EHMT2: variants seen among roughly 807,000 people sequenced by gnomAD.
The protein encoded by EHMT2 is histone-lysine N-methyltransferase EHMT2.
Under a neutral mutation model 143.3 loss-of-function variants are expected in EHMT2, and 59 were observed. That is an observed-to-expected ratio of 0.41 (90% CI 0.33 to 0.51). EHMT2 has a LOEUF of 0.51. Ranked by LOEUF, EHMT2 falls within the 20% of genes least tolerant of loss-of-function variation. The pLI, the probability that EHMT2 is intolerant of heterozygous loss-of-function variation, is 0.18. For synonymous variants in EHMT2, 604 were observed against 651.5 expected, an observed-to-expected ratio of 0.93 and a Z score of 1.11; for missense variants, 1,174 against 1,645.9, an observed-to-expected ratio of 0.71 and a Z score of 4.96.
chr6:31,882,938 T>C, exon 24 of EHMT2: 2 of 1,612,418 alleles, frequency 1.2e-6, no homozygotes, highest in Non-Finnish European at 8.5e-7. Flanking sequence ...TTCTCCAGCA[T>C]GAGCACGCCT....
rs1766745561 is a variant in EHMT2 at position 31,897,621 on chromosome 6, C to A, written c.42+15G>T. ...GCGCGGGCATGCACCCGCCTCTCCCCCTCCCCTTCCGCACCTCGGCGGCCG... is the reference window on the plus strand; with the variant it reads ...GCGCGGGCATGCACCCGCCTCTCCCACTCCCCTTCCGCACCTCGGCGGCCG... On this transcript the variant is annotated intron_variant, in intron 1 of 27. Coordinates refer to ENST00000375537, the Ensembl canonical transcript of EHMT2. 3 of 1,149,764 alleles carry A rather than the reference C, an allele frequency of 2.6e-6. No individual in the cohort carries two copies. The highest frequency in any genetic ancestry group is 1.6e-5 in the African/African-American group (1 of 61,266). 71.2% of individuals were successfully genotyped at this position (1,149,764 alleles called of 1,614,324 possible).
chr6:31,887,691 G>A lies in EHMT2; in HGVS notation c.1929-32C>T, dbSNP rs772673957. 8 of 1,610,944 alleles carry A rather than the reference G, an allele frequency of 5.0e-6. No individual in the cohort carries two copies. The Admixed American group carries it at 8.3e-5, about 17-fold the overall frequency. ...AGGGAGCACGGGAGCGGGGAGAGAAGGGGAGCTCCTCAGATTCCAGCATCA... is the reference window on the plus strand; with the variant it reads ...AGGGAGCACGGGAGCGGGGAGAGAAAGGGAGCTCCTCAGATTCCAGCATCA... On this transcript the variant is annotated intron_variant, in intron 14 of 27. Transcript: ENST00000375537.
At chr6:31,891,822 CT>C (rs1159548590) in intron 7 of EHMT2, among the ~76,000 whole-genome samples, 1 of 151,590 alleles carries the variant, frequency 6.6e-6, no homozygotes, top group Non-Finnish European at 1.5e-5. Context: ...TTTTTGTTTT[CT>C]TTTTTTAAAC....
Position 31,883,552 on chromosome 6 carries a change from A to C in EHMT2, c.2917-113T>G, listed in dbSNP as rs1764400006. On this transcript the variant is annotated intron_variant, in intron 22 of 27. Coordinates refer to ENST00000375537, the Ensembl canonical transcript of EHMT2. The surrounding 1 kb of genome is among the most constrained non-coding windows in gnomAD (Gnocchi z 5.6). ...CCTTTCTTTGGGGTCCATGTGTTAC[A>C]ACAGTGGGTGGTGATGGTCCTAGGG... 1 of 1,181,556 alleles carries C rather than the reference A, an allele frequency of 8.5e-7. No homozygotes were observed. The allele number at this position is 1,181,556 out of a possible 1,614,324, so 73.2% of individuals were successfully genotyped here.
rs1178901249 is a variant in EHMT2 at position 31,889,122 on chromosome 6, C to T, written c.1115-52G>A. On this transcript the variant is annotated intron_variant, in intron 9 of 27. Transcript: ENST00000375537. This position sits in a 1 kb window ranked among gnomAD's most constrained non-coding sequence, Gnocchi z 5.1. ...GTGCGAGCTCACAGGTGCCTGGACG[C>T]GTGGGTACATGCAGGTGGACATGCG... is the stretch of plus-strand genomic sequence containing the variant. 30 of 1,549,456 alleles carry T rather than the reference C, an allele frequency of 1.9e-5. No homozygotes were observed. The highest frequency in any genetic ancestry group is 2.7e-5 in the African/African-American group (2 of 73,770).
exon 15 of EHMT2, chr6:31,887,634 G>A: frequency 1.2e-6 from 2 of 1,613,034 alleles, no homozygotes; most frequent in Non-Finnish European, 1.7e-6. Context: ...TACAACTGCC[G>A]AGGGTGGAAA....
At position 31,882,854 on chromosome 6, in the gene EHMT2, G is replaced by A. The variant is rs757329712; in HGVS notation, c.3110+40C>T. The A allele has an allele frequency of 2.5e-6, 4 of 1,611,694 alleles. No individual in the cohort carries two copies. In the Admixed American group the frequency reaches 6.7e-5, roughly 27 times the overall value. On this transcript the variant is annotated intron_variant, in intron 24 of 27. Coordinates refer to ENST00000375537, the Ensembl canonical transcript of EHMT2. ...AAGCCCCAGGGGCAGGGAGGAAAGGGTGAGGTGGGGAGAGGGTGGGCTGTG... is the reference window on the plus strand; with the variant it reads ...AAGCCCCAGGGGCAGGGAGGAAAGGATGAGGTGGGGAGAGGGTGGGCTGTG...
chr6:31,888,901 T>A lies in EHMT2; in HGVS notation c.1216+68A>T. On this transcript the variant is annotated intron_variant, in intron 10 of 27. Transcript: ENST00000375537. This position sits in a 1 kb window ranked among gnomAD's most constrained non-coding sequence, Gnocchi z 7.4. ...CACCCCGGCTCTGGCGTGGTTCCCC[T>A]CCTTCCCTTTCCCTCCTGCCCTGAG... 1.3e-6 allele frequency: 2 copies of A among 1,505,004 alleles called. No homozygotes were observed. The highest frequency in any genetic ancestry group is 9.0e-7 in the Non-Finnish European group (1 of 1,108,990). 93.2% of individuals were successfully genotyped at this position (1,505,004 alleles called of 1,614,324 possible).
At chr6:31,895,682 G>A (rs17201396) in intron 4 of EHMT2, 1 of 141,376 alleles carries the variant, frequency 7.1e-6, no homozygotes, top group South Asian at 2.1e-4. Flanking sequence ...CTGCTAATCA[G>A]AGTGTATTTT....
intron 4 of EHMT2, 94 bp downstream of exon 4, chr6:31,896,169 G>T (rs1248114289): frequency 1.7e-5 from 26 of 1,501,184 alleles, no homozygotes; most frequent in Non-Finnish European, 2.2e-5. Flanking sequence ...TTAAATATGT[G>T]AATGAGTAAA....
At chr6:31,886,462 T>C (rs1764859011) in intron 18 of EHMT2, 119 bp downstream of exon 18, 3 of 745,434 alleles carry the variant, frequency 4.0e-6, no homozygotes, top group East Asian at 2.6e-5. Context: ...AAGAAAGCAA[T>C]GAGGACAGAC....
In EHMT2 at chr6:31,889,546, C is replaced by A; in HGVS notation, c.921G>T (p.Glu307Asp). Reference sequence around the variant, plus strand: ...CCTCCTCTTCCTCTTCTTCTTCTTCCTCCTCTTCCTCCTCCTCCTCTTCAC... The same window carrying A: ...CCTCCTCTTCCTCTTCTTCTTCTTCATCCTCTTCCTCCTCCTCCTCTTCAC... The change falls in exon 8 of 28, where the codon GAG becomes GAT. Residue 307 changes from glutamate (E) to aspartate (D), a missense_variant. Coordinates refer to ENST00000375537, the Ensembl canonical transcript of EHMT2. This position sits in a 1 kb window ranked among gnomAD's most constrained non-coding sequence, Gnocchi z 5.1. 6.2e-7 allele frequency: 1 copy of A among 1,611,324 alleles called. No individual in the cohort carries two copies. The highest frequency in any genetic ancestry group is 1.1e-5 in the South Asian group (1 of 91,048).
At chr6:31,895,285 G>A (rs1419361894) in intron 4 of EHMT2, 1 of 152,160 alleles carries the variant, frequency 6.6e-6, no homozygotes, top group Non-Finnish European at 1.5e-5. Context: ...ATGTATAGCA[G>A]ATCAATAGCT....
At chr6:31,891,969 C>T (rs977694496) in intron 7 of EHMT2, among the ~76,000 whole-genome samples, 3 of 152,030 alleles carry the variant, frequency 2.0e-5, no homozygotes, top group Non-Finnish European at 2.9e-5. Flanking sequence ...CAGCTGGGCG[C>T]GGTGGCTCAC....
At chr6:31,892,632 C>T in intron 6 of EHMT2, 62 bp downstream of exon 6, 1 of 1,612,622 alleles carries the variant, frequency 6.2e-7, no homozygotes, top group Non-Finnish European at 8.5e-7. Flanking sequence ...GGATGCAGCC[C>T]CACCTCTGAC....
At position 31,880,426 on chromosome 6, in the gene EHMT2, G is replaced by T; in HGVS notation, c.3453-162C>A. ...TATGTTCTATGGACTTTCAGCATCA[G>T]CATTGCCTGGGGACTTTTTAGAAAT... On this transcript the variant is annotated intron_variant, in intron 27 of 27. Transcript: ENST00000375537. The surrounding 1 kb of genome is among the most constrained non-coding windows in gnomAD (Gnocchi z 6.6). 1 of 900,776 alleles carries T rather than the reference G, an allele frequency of 1.1e-6. No homozygotes were observed. Among genetic ancestry groups the T allele is most frequent in the Non-Finnish European group, 1.6e-6 (1 of 609,476 alleles). 55.8% of individuals were successfully genotyped at this position (900,776 alleles called of 1,614,324 possible).
intron 4 of EHMT2, 179 bp downstream of exon 4, chr6:31,896,084 G>A (rs983501280): frequency 3.9e-6 from 3 of 778,422 alleles, no homozygotes; most frequent in Non-Finnish European, 5.8e-6. Flanking sequence ...AATGTAAACT[G>A]CAGGAAGAGA....
In EHMT2 at chr6:31,888,246, G is replaced by A. The variant is rs139432784; in HGVS notation, c.1540C>T (p.Arg514Cys). The change falls in exon 13 of 28, where the codon CGT becomes TGT. Residue 514 changes from arginine to cysteine, a missense_variant. Arg to Cys is a radical substitution (Grantham distance 180). Around this residue, in one of 6 missense-constraint regions of EHMT2, gnomAD observed 608 missense variants for 903.7 expected, o/e 0.67. Transcript: ENST00000375537. This position sits in a 1 kb window ranked among gnomAD's most constrained non-coding sequence, Gnocchi z 7.4. ...GCCTTGTGGAAGCGGTGGGCCACAC[G>A]GAAGTCAGGGTGGCACTCCAGGAAG... 2.2e-5 allele frequency: 36 copies of A among 1,612,884 alleles called. No homozygotes were observed. The highest frequency in any genetic ancestry group is 4.4e-5 in the South Asian group (4 of 91,082).
In EHMT2 at chr6:31,880,830, T is replaced by C; in HGVS notation, c.3295A>G (p.Ile1099Val). ...ATGTTGCCATAGTAACGGGCATCTATGCAGTACACCTCTCCATCCTGGGGC... is the reference window on the plus strand; with the variant it reads ...ATGTTGCCATAGTAACGGGCATCTACGCAGTACACCTCTCCATCCTGGGGC... The change falls in exon 27 of 28, where the codon ATA becomes GTA. Residue 1099 changes from isoleucine (I) to valine (V), a missense_variant. By Grantham distance (29) the Ile-to-Val change is conservative. This residue lies in a region of EHMT2 where 44 missense variants were observed against 113.5 expected (regional missense o/e 0.39). Transcript: ENST00000375537. This position sits in a 1 kb window ranked among gnomAD's most constrained non-coding sequence, Gnocchi z 6.6. The C allele has an allele frequency of 6.2e-7, 1 of 1,613,872 alleles. No individual in the cohort carries two copies. The highest frequency in any genetic ancestry group is 8.5e-7 in the Non-Finnish European group (1 of 1,180,018).
Sources: gnomAD v4.1 joint callset for allele counts (sites outside exome capture counted in the v4.1 genomes callset) on GRCh38, gnomAD v4.1.1 for gene constraint, gnomAD v4.1.1 regional missense constraint, Gnocchi (gnomAD v3.1) non-coding constraint, MANE v1.5 for transcripts, NCBI Gene and HGNC (gene_info 2026-07-23, HGNC 2026-07-21) for gene names.